The following RPS6KC1 variants were observed in gnomAD, a reference collection of about 807,000 sequenced individuals.
RPS6KC1 encodes the protein ribosomal protein S6 kinase C1, also known as inactive ribosomal protein S6 kinase delta-1.
RPS6KC1 carries 54 observed loss-of-function variants against 103.8 expected under a neutral mutation model. The observed-to-expected ratio is 0.52, with a 90% confidence interval of 0.42 to 0.65. The LOEUF (loss-of-function observed/expected upper bound fraction) is 0.65. RPS6KC1 is among the 30% of genes least tolerant of loss of function. RPS6KC1 has a pLI of 0.00. For missense variants in RPS6KC1, 1,151 were observed against 1,253.8 expected (o/e 0.92, Z 1.24); for synonymous variants, 439 against 438.7 (o/e 1.00, Z -0.01).
intron 1 of RPS6KC1, among the ~76,000 whole-genome samples, chr1:213,069,687 T>A (rs914558019): frequency 2.0e-4 from 30 of 152,242 alleles, no homozygotes; most frequent in African/African-American, 6.7e-4. Context: ...TTTTTTAAAA[T>A]TTTTTTTAAA....
At chr1:213,458,129 T>A in the RPS6KC1 span, among the ~76,000 whole-genome samples, 2 of 152,178 alleles carry the variant, frequency 1.3e-5, no homozygotes, top group African/African-American at 4.8e-5. Flanking sequence ...CAATAGGTAG[T>A]TTTTCAGCCC....
At chr1:213,237,975 A>G (rs886723259) in intron 10 of RPS6KC1, among the ~76,000 whole-genome samples, 16 of 152,062 alleles carry the variant, frequency 1.1e-4, no homozygotes, top group Admixed American at 6.6e-5. Flanking sequence ...TTACTTATAG[A>G]TTCTTTTCCT....
rs1330566344 is a variant in RPS6KC1, at chr1:213,119,459, T to TG, written c.472+2049_472+2050insG. Among the ~76,000 whole-genome samples, 18 of 6,930 alleles carry TG rather than the reference T, an allele frequency of 2.6e-3. 2 individuals carry two copies. The East Asian group carries it at 0.051, about 20-fold the overall frequency. The allele number at this position is 6,930 out of a possible 152,430, so 4.5% of individuals were successfully genotyped here. A position where few individuals can be genotyped will look rare whatever the true frequency, so the allele number is the denominator to read the frequency against. On this transcript the variant is annotated intron_variant, in intron 5 of 14. Coordinates refer to ENST00000366960, the MANE Select transcript of RPS6KC1 (RefSeq NM_012424.6). ...ATATATATATATATATATATATATA[T>TG]ATATATATATATATATATATATATA...
the RPS6KC1 span, among the ~76,000 whole-genome samples, chr1:213,643,372 A>G: frequency 6.6e-6 from 1 of 151,878 alleles, no homozygotes; most frequent in Admixed American, 6.6e-5. Flanking sequence ...CTTATAAGGT[A>G]TCTACCTAGA....
chr1:213,528,877 A>T, the RPS6KC1 span, among the ~76,000 whole-genome samples: 1 of 152,200 alleles, frequency 6.6e-6, no homozygotes, highest in Non-Finnish European at 1.5e-5. Flanking sequence ...GCTGTTATTC[A>T]TTAGCACTTC....
At chr1:213,549,224 G>A in the RPS6KC1 span, among the ~76,000 whole-genome samples, 1 of 152,156 alleles carries the variant, frequency 6.6e-6, no homozygotes, top group Non-Finnish European at 1.5e-5. Context: ...GCAGAAGGCA[G>A]GGACCCCTCA....
At chr1:213,353,330 C>T in the RPS6KC1 span, among the ~76,000 whole-genome samples, 1 of 152,236 alleles carries the variant, frequency 6.6e-6, no homozygotes. Context: ...ATGTGTCAGG[C>T]ACTCTTCTAG....
intron 12 of RPS6KC1, among the ~76,000 whole-genome samples, chr1:213,245,947 G>A (rs1165340215): frequency 6.6e-6 from 1 of 152,114 alleles, no homozygotes; most frequent in Non-Finnish European, 1.5e-5. Context: ...GGATGCCCAA[G>A]ATTCACAAGT....
the RPS6KC1 span, among the ~76,000 whole-genome samples, chr1:213,514,894 G>A: frequency 1.3e-5 from 2 of 152,276 alleles, no homozygotes; most frequent in East Asian, 3.9e-4. Flanking sequence ...AGCACCTGTT[G>A]TTTCCTACTT....
At chr1:213,135,716 C>G (rs1188024450) in intron 6 of RPS6KC1, among the ~76,000 whole-genome samples, 2 of 152,188 alleles carry the variant, frequency 1.3e-5, no homozygotes, top group Non-Finnish European at 2.9e-5. Context: ...AGTCTTCTGT[C>G]TTCCCTCCTC....
At chr1:213,574,818 T>G in the RPS6KC1 span, among the ~76,000 whole-genome samples, 1,018 of 152,256 alleles carry the variant, frequency 6.7e-3, 10 homozygotes, top group African/African-American at 0.019. Flanking sequence ...CTGGGTAAAC[T>G]AAGGGAAACG....
At chr1:213,448,710 C>A in the RPS6KC1 span, among the ~76,000 whole-genome samples, 1 of 149,984 alleles carries the variant, frequency 6.7e-6, no homozygotes, top group East Asian at 2.0e-4. Context: ...TCTGATCCCT[C>A]ACACAGAGAA....
intron 3 of RPS6KC1, among the ~76,000 whole-genome samples, chr1:213,097,879 T>G (rs1448120273): frequency 6.6e-6 from 1 of 152,204 alleles, no homozygotes; most frequent in Non-Finnish European, 1.5e-5. Context: ...TTTTGCAGCT[T>G]CTTCACCTCT....
chr1:213,812,302 T>TG, the RPS6KC1 span, among the ~76,000 whole-genome samples: 720 of 152,258 alleles, frequency 4.7e-3, 8 homozygotes, highest in African/African-American at 0.017. Context: ...TTTGGTAGTA[T>TG]GGGAAGGAAC....
At chr1:213,557,098 C>A in the RPS6KC1 span, among the ~76,000 whole-genome samples, 4 of 152,032 alleles carry the variant, frequency 2.6e-5, no homozygotes, top group African/African-American at 9.7e-5. Flanking sequence ...TGTCTTAGAC[C>A]CAAACTAGAT....
the RPS6KC1 span, among the ~76,000 whole-genome samples, chr1:213,556,482 T>C: frequency 3.9e-5 from 6 of 152,306 alleles, no homozygotes; most frequent in African/African-American, 1.4e-4. Context: ...TTAAGATTTA[T>C]GCAGAGGGAG....
chr1:213,804,948 C>T, the RPS6KC1 span, among the ~76,000 whole-genome samples: 3 of 152,176 alleles, frequency 2.0e-5, no homozygotes, highest in Admixed American at 1.3e-4. Flanking sequence ...AAGCAAATAT[C>T]GCAACAAAGC....
chr1:213,507,572 G>A, the RPS6KC1 span, among the ~76,000 whole-genome samples: 1 of 144,212 alleles, frequency 6.9e-6, no homozygotes, highest in Admixed American at 6.9e-5. Context: ...TTTTTAACCT[G>A]TGAAGCATGA....
the RPS6KC1 span, among the ~76,000 whole-genome samples, chr1:213,814,019 G>A: frequency 6.6e-6 from 1 of 152,224 alleles, no homozygotes; most frequent in African/African-American, 2.4e-5. Flanking sequence ...CTCACACAGA[G>A]TTTAAAGTCT....
Sources: allele counts gnomAD v4.1 joint callset (sites outside exome capture counted in the v4.1 genomes callset), GRCh38; gene constraint gnomAD v4.1.1; transcripts MANE v1.5; gene names NCBI Gene and HGNC (gene_info 2026-07-23, HGNC 2026-07-21).